Variants in ANGPT2 observed in about 807,000 individuals in gnomAD.
ANGPT2 encodes angiopoietin-2.
In ANGPT2, 28 loss-of-function variants were observed where a neutral mutation model predicts 62.9. The ratio of observed to expected loss-of-function variants is 0.44; its 90% confidence interval spans 0.33 to 0.61. The LOEUF is 0.61. ANGPT2 is among the 20% of genes least tolerant of loss of function. ANGPT2 has a pLI of 0.03. For missense variants in ANGPT2, 727 were observed against 594.9 expected (o/e 1.22, Z -2.31); for synonymous variants, 284 against 207.8 (o/e 1.37, Z -3.15).
At chr8:6,523,509 T>A (rs1046798975) in intron 3 of ANGPT2, among the ~76,000 whole-genome samples, 5 of 152,348 alleles carry the variant, frequency 3.3e-5, no homozygotes, top group South Asian at 4.1e-4. Flanking sequence ...GAGTAGAGAC[T>A]ATGTATTTGA....
intron 7 of ANGPT2, among the ~76,000 whole-genome samples, chr8:6,509,593 A>G (rs554589981): frequency 2.2e-4 from 34 of 152,272 alleles, no homozygotes; most frequent in African/African-American, 7.0e-4. Context: ...ATAGTAGGGT[A>G]ATGTAATTAA....
At chr8:6,504,032 G>C (rs1185385845) in intron 8 of ANGPT2, among the ~76,000 whole-genome samples, 2 of 152,126 alleles carry the variant, frequency 1.3e-5, no homozygotes, top group African/African-American at 4.8e-5. Context: ...TATTCTATAA[G>C]CAGGGGCCGG....
intron 8 of ANGPT2, among the ~76,000 whole-genome samples, chr8:6,506,427 G>C (rs905851244): frequency 6.6e-6 from 1 of 152,018 alleles, no homozygotes; most frequent in Non-Finnish European, 1.5e-5. Flanking sequence ...ATCTTGATTT[G>C]CCTAAGTAAA....
intron 1 of ANGPT2, among the ~76,000 whole-genome samples, chr8:6,551,434 A>G (rs1011207973): frequency 6.6e-6 from 1 of 152,238 alleles, no homozygotes; most frequent in African/African-American, 2.4e-5. Flanking sequence ...AGGAAAAAAC[A>G]TGCATGGATT....
At chr8:6,561,327 A>G (rs1193910764) in intron 1 of ANGPT2, among the ~76,000 whole-genome samples, 1 of 152,226 alleles carries the variant, frequency 6.6e-6, no homozygotes, top group Non-Finnish European at 1.5e-5. Context: ...TTGTTGTTTT[A>G]AATGACTCCT....
intron 3 of ANGPT2, among the ~76,000 whole-genome samples, chr8:6,524,771 T>C (rs1178625343): frequency 6.6e-6 from 1 of 152,222 alleles, no homozygotes; most frequent in Admixed American, 6.5e-5. Flanking sequence ...TGTGGCCATG[T>C]AAGGTCTGTA....
intron 1 of ANGPT2, among the ~76,000 whole-genome samples, chr8:6,558,154 G>A (rs183909407): frequency 4.7e-4 from 72 of 152,244 alleles, no homozygotes; most frequent in Admixed American, 4.1e-3. Context: ...ATGCTATAAT[G>A]CCACTGTACG....
intron 3 of ANGPT2, among the ~76,000 whole-genome samples, chr8:6,525,337 C>A (rs1383441189): frequency 2.6e-5 from 4 of 152,130 alleles, no homozygotes; most frequent in African/African-American, 9.7e-5. Context: ...TCAAGCGATC[C>A]ACCTGCCTCA....
chr8:6,505,771 A>G (rs1813517468), intron 8 of ANGPT2, among the ~76,000 whole-genome samples: 2 of 132,832 alleles, frequency 1.5e-5, no homozygotes, highest in Admixed American at 8.0e-5. Flanking sequence ...TAGAATATAT[A>G]TATTCTTTAT....
intron 1 of ANGPT2, among the ~76,000 whole-genome samples, chr8:6,548,818 C>G (rs1823067814): frequency 6.6e-6 from 1 of 152,192 alleles, no homozygotes; most frequent in Non-Finnish European, 1.5e-5. Flanking sequence ...CCAGAGTGAG[C>G]AGCAGATAGG....
intron 7 of ANGPT2, among the ~76,000 whole-genome samples, chr8:6,510,572 T>G (rs780892326): frequency 6.6e-6 from 1 of 152,218 alleles, no homozygotes; most frequent in African/African-American, 2.4e-5. Context: ...TATAACCACC[T>G]GCAGTGGTGG....
rs150416680 is a variant in ANGPT2 at position 6,519,798 on chromosome 8, G to A, written c.927+66C>T. On this transcript the variant is annotated intron_variant, in intron 5 of 8. Transcript: ENST00000629816. ...TTTGGGGAGAGACTTCTGCTCTCTGGTTCCTCACTCACTAAAGTGGCCTGC... is the reference window on the plus strand; with the variant it reads ...TTTGGGGAGAGACTTCTGCTCTCTGATTCCTCACTCACTAAAGTGGCCTGC... 859 of 1,569,752 alleles carry A rather than the reference G, an allele frequency of 5.5e-4. 6 individuals are homozygous for A. The East Asian group carries it at 0.017, about 30-fold the overall frequency.
chr8:6,518,809 A>G (rs1816783443), intron 5 of ANGPT2, among the ~76,000 whole-genome samples: 1 of 152,194 alleles, frequency 6.6e-6, no homozygotes, highest in South Asian at 2.1e-4. Context: ...ATATACAGTT[A>G]TCCAGTAGTT....
At chr8:6,555,655 G>T (rs535532809) in intron 1 of ANGPT2, among the ~76,000 whole-genome samples, 17 of 152,044 alleles carry the variant, frequency 1.1e-4, no homozygotes, top group Middle Eastern at 6.8e-3. Context: ...TAGAGACGGG[G>T]TTTCATCGTG....
rs574071256 is a variant in ANGPT2, at chr8:6,507,032, G to C, written c.1327+1900C>G. On this transcript the variant is annotated intron_variant, in intron 8 of 8. Coordinates refer to ENST00000629816, the MANE Select transcript of ANGPT2 (RefSeq NM_001118887.2). ...CCTGCCTCAGCCTCCTGAGTAGCTG[G>C]GATTACAGGCGTATGCCACCACGCC... Among the ~76,000 whole-genome samples, 20 of 152,018 alleles carry C rather than the reference G, an allele frequency of 1.3e-4. No homozygotes were observed. The East Asian group carries it at 3.7e-3, about 28-fold the overall frequency.
chr8:6,533,569 CTTT>C (rs56882906), intron 1 of ANGPT2, among the ~76,000 whole-genome samples: 10 of 113,350 alleles, frequency 8.8e-5, no homozygotes, highest in East Asian at 2.7e-4. Flanking sequence ...CGTTTAGTTT[CTTT>C]TTTTTTTTTT....
chr8:6,545,229 T>G (rs1224116071), intron 1 of ANGPT2, among the ~76,000 whole-genome samples: 1 of 152,112 alleles, frequency 6.6e-6, no homozygotes, highest in East Asian at 1.9e-4. Context: ...CCTTCTGGAG[T>G]GCTGAAAATG....
chr8:6,527,491 G>C, intron 3 of ANGPT2, 64 bp downstream of exon 3: 2 of 1,564,692 alleles, frequency 1.3e-6, no homozygotes, highest in Admixed American at 1.7e-5. Flanking sequence ...CATCATTTGA[G>C]ACCGACTTTC....
chr8:6,553,975 A>T (rs1005991191), intron 1 of ANGPT2, among the ~76,000 whole-genome samples: 3 of 151,998 alleles, frequency 2.0e-5, no homozygotes, highest in African/African-American at 7.3e-5. Flanking sequence ...GTCCAGTTGG[A>T]TACTGTTAGT....
Sources: gnomAD v4.1 joint callset for allele counts (sites outside exome capture counted in the v4.1 genomes callset) on GRCh38, gnomAD v4.1.1 for gene constraint, MANE v1.5 for transcripts, NCBI Gene and HGNC (gene_info 2026-07-23, HGNC 2026-07-21) for gene names.